The following DENND2B variants were observed in gnomAD, a reference collection of about 807,000 sequenced individuals.
DENND2B encodes the protein DENN domain containing 2B, also known as DENN domain-containing protein 2B.
In DENND2B, 32 loss-of-function variants were observed where a neutral mutation model predicts 116.0. The observed-to-expected ratio is 0.28, with a 90% CI of 0.21 to 0.37. The LOEUF (loss-of-function observed/expected upper bound fraction) is 0.37, where lower values mean the gene tolerates loss of function less well. DENND2B is among the 10% of genes least tolerant of loss of function. The pLI is 1.00. For missense variants in DENND2B, 1,276 were observed against 1,477.7 expected (o/e 0.86, Z 2.24); for synonymous variants, 588 against 583.9 (o/e 1.01, Z -0.10).
intron 1 of DENND2B, among the ~76,000 whole-genome samples, chr11:8,907,916 G>A (rs1413687803): frequency 6.6e-6 from 1 of 152,144 alleles, no homozygotes; most frequent in Non-Finnish European, 1.5e-5. Context: ...TGCCCAGGCT[G>A]CTGTCAAACT....
chr11:8,888,447 AT>A (rs1419233935), intron 1 of DENND2B, among the ~76,000 whole-genome samples: 1 of 152,250 alleles, frequency 6.6e-6, no homozygotes, highest in Non-Finnish European at 1.5e-5. Flanking sequence ...AAAGACTTAA[AT>A]GCAAGACCTA....
intron 3 of DENND2B, among the ~76,000 whole-genome samples, chr11:8,855,702 T>C (rs75691919): frequency 8.2e-4 from 125 of 152,200 alleles, no homozygotes; most frequent in African/African-American, 3.0e-3. Context: ...TTTCTAACTT[T>C]AGGGCATCAT....
chr11:8,748,847 TGTCAGCAGTCTCGA>T (rs1719897227), intron 2 of DENND2B, among the ~76,000 whole-genome samples: 1 of 152,102 alleles, frequency 6.6e-6, no homozygotes, highest in South Asian at 2.1e-4. Context: ...CTGCAGCACC[TGTCAGCAGTCTCGA>T]GTCTGCTTTG....
intron 4 of DENND2B, among the ~76,000 whole-genome samples, chr11:8,819,880 A>G (rs943189198): frequency 5.9e-5 from 9 of 152,266 alleles, no homozygotes; most frequent in Non-Finnish European, 8.8e-5. Flanking sequence ...CAGTAAGTCT[A>G]TATCAATATC....
chr11:8,786,467 G>A (rs2058909870), intron 1 of DENND2B, among the ~76,000 whole-genome samples: 1 of 152,104 alleles, frequency 6.6e-6, no homozygotes, highest in Non-Finnish European at 1.5e-5. Context: ...TGAGAAAGTG[G>A]TATGTTGACT....
intron 2 of DENND2B, among the ~76,000 whole-genome samples, chr11:8,869,668 G>A (rs1388026887): frequency 6.6e-6 from 1 of 151,142 alleles, no homozygotes; most frequent in Non-Finnish European, 1.5e-5. Flanking sequence ...AAAAAAAAAA[G>A]AAAAAAATTT....
chr11:8,761,495 T>A (rs1278313565), intron 1 of DENND2B, among the ~76,000 whole-genome samples: 1 of 152,216 alleles, frequency 6.6e-6, no homozygotes, highest in East Asian at 1.9e-4. Context: ...GAGCAGCACC[T>A]TCACTCTGGC....
At chr11:8,903,565 C>T (rs1239323687) in intron 1 of DENND2B, among the ~76,000 whole-genome samples, 1 of 150,138 alleles carries the variant, frequency 6.7e-6, no homozygotes, top group Non-Finnish European at 1.5e-5. Flanking sequence ...GGAATATTAC[C>T]AATAGCTTTT....
At chr11:8,717,257 C>T (rs1370653395) in intron 5 of DENND2B, among the ~76,000 whole-genome samples, 1 of 152,218 alleles carries the variant, frequency 6.6e-6, no homozygotes, top group Non-Finnish European at 1.5e-5. Context: ...CCAGGTGTCA[C>T]AGACACCTGT....
At chr11:8,842,705 T>C (rs984804848) in intron 3 of DENND2B, among the ~76,000 whole-genome samples, 1 of 152,204 alleles carries the variant, frequency 6.6e-6, no homozygotes, top group Admixed American at 6.5e-5. Context: ...ACTGCACTTA[T>C]TTCAAGTCTT....
intron 1 of DENND2B, 164 bp downstream of exon 1, chr11:8,810,353 C>T (rs1463453348): frequency 6.6e-6 from 1 of 152,094 alleles, no homozygotes; most frequent in African/African-American, 2.4e-5. Context: ...TTGGCTGTTT[C>T]CCTCCTCCTT....
intron 1 of DENND2B, among the ~76,000 whole-genome samples, chr11:8,910,449 A>C (rs2064303341): frequency 6.6e-6 from 1 of 151,962 alleles, no homozygotes; most frequent in Non-Finnish European, 1.5e-5. Flanking sequence ...GCTGGAGTGC[A>C]GTGGCGCGAT....
intron 16 of DENND2B, among the ~76,000 whole-genome samples, chr11:8,698,166 A>AAAAGG (rs1555092981): frequency 1.0e-4 from 13 of 129,454 alleles, no homozygotes; most frequent in South Asian, 7.9e-4. Context: ...AAAAAAAAAA[A>AAAAGG]GGGGGTAGAG....
chr11:8,890,359 C>T (rs1380015750), intron 1 of DENND2B, among the ~76,000 whole-genome samples: 1 of 152,216 alleles, frequency 6.6e-6, no homozygotes, highest in African/African-American at 2.4e-5. Context: ...AGGAACGAAG[C>T]TCCTCGCCAG....
intron 2 of DENND2B, among the ~76,000 whole-genome samples, chr11:8,737,591 TA>T (rs1428312752): frequency 6.6e-6 from 1 of 152,156 alleles, no homozygotes; most frequent in Non-Finnish European, 1.5e-5. Flanking sequence ...AGAGTTTTCC[TA>T]AAAAAGGAAC....
At chr11:8,896,717 T>C (rs559610843) in intron 1 of DENND2B, among the ~76,000 whole-genome samples, 8 of 152,368 alleles carry the variant, frequency 5.3e-5, no homozygotes, top group African/African-American at 1.4e-4. Context: ...CAACACTTTA[T>C]TATAAAATAG....
intron 1 of DENND2B, among the ~76,000 whole-genome samples, chr11:8,892,436 C>CA (rs1306082334): frequency 4.6e-5 from 7 of 151,936 alleles, no homozygotes; most frequent in African/African-American, 1.7e-4. Context: ...AAAAAACCTT[C>CA]AAAAAATCAA....
At chr11:8,711,900 G>C (rs1396192806) in intron 9 of DENND2B, 1 of 440,230 alleles carries the variant, frequency 2.3e-6, no homozygotes, top group Non-Finnish European at 4.6e-6. Flanking sequence ...GCAGGGTTAT[G>C]TACCAGAGCA....
At chr11:8,695,431 A>C in intron 19 of DENND2B, 32 bp downstream of exon 19, 1 of 1,591,184 alleles carries the variant, frequency 6.3e-7, no homozygotes, top group Non-Finnish European at 8.6e-7. Flanking sequence ...TTCTTGCTGA[A>C]CATCTATCTC....
Sources: gnomAD v4.1 joint callset for allele counts (sites outside exome capture counted in the v4.1 genomes callset) on GRCh38, gnomAD v4.1.1 for gene constraint, MANE v1.5 for transcripts, NCBI Gene and HGNC (gene_info 2026-07-23, HGNC 2026-07-21) for gene names.